Variants in TMED10 observed in about 807,000 individuals in gnomAD.
TMED10 encodes the protein transmembrane p24 trafficking protein 10.
Under a neutral mutation model 23.1 loss-of-function variants are expected in TMED10, and 7 were observed. The ratio of observed to expected loss-of-function variants is 0.30; its 90% confidence interval spans 0.17 to 0.57. The LOEUF (loss-of-function observed/expected upper bound fraction) is 0.57. Among genes scored for constraint, TMED10 ranks in the 20% least tolerant of loss-of-function variants. TMED10 has a pLI of 0.91. For missense variants in TMED10, 162 were observed against 274.8 expected (o/e 0.59, Z 2.90); for synonymous variants, 113 against 106.9 (o/e 1.06, Z -0.35).
At chr14:75,172,954 G>A (rs927229507) in intron 1 of TMED10, among the ~76,000 whole-genome samples, 8 of 152,178 alleles carry the variant, frequency 5.3e-5, no homozygotes, top group African/African-American at 1.7e-4. Flanking sequence ...GAGTGGCAAA[G>A]CAGTGGTGAG....
rs779428618 is a variant in TMED10 at position 75,135,726 on chromosome 14, T to C, written c.538+34A>G. 6.2e-6 allele frequency: 10 copies of C among 1,605,054 alleles called. No homozygotes were observed. The East Asian group carries it at 1.8e-4, about 29-fold the overall frequency. On this transcript the variant is annotated intron_variant, in intron 4 of 4. Transcript: ENST00000303575. ...GTTTGGAGACTGTCTCATTTATGGG[T>C]CACTTAAGAAGTAAGAGTCGCCTTC...
intron 3 of TMED10, among the ~76,000 whole-genome samples, chr14:75,139,994 G>A (rs1053045693): frequency 2.6e-5 from 4 of 151,978 alleles, no homozygotes; most frequent in Non-Finnish European, 5.9e-5. Flanking sequence ...AAAATCTGAC[G>A]GACTTAACAA....
intron 1 of TMED10, among the ~76,000 whole-genome samples, chr14:75,155,997 C>T (rs1896015485): frequency 6.6e-6 from 1 of 152,152 alleles, no homozygotes; most frequent in Non-Finnish European, 1.5e-5. Flanking sequence ...AGGTTAAGTG[C>T]CTGGAGAGGT....
chr14:75,164,569 ATATATATATT>A (rs1281061770), intron 1 of TMED10, among the ~76,000 whole-genome samples: 25 of 1,976 alleles, frequency 0.013, no homozygotes, highest in African/African-American at 0.025. Flanking sequence ...ATATATATAT[ATATATATATT>A]TTTTTTTTTT....
In TMED10 at chr14:75,147,461, T is replaced by C. The variant is rs917638723; in HGVS notation, c.411+203A>G. ...CACCCGCCTTGGCCTCCCAAAGTGCTGGGATTACAGGAGTGAGCCACCGCG... is the reference window on the plus strand; with the variant it reads ...CACCCGCCTTGGCCTCCCAAAGTGCCGGGATTACAGGAGTGAGCCACCGCG... On this transcript the variant is annotated intron_variant, in intron 3 of 4. Coordinates refer to ENST00000303575, the MANE Select transcript of TMED10 (RefSeq NM_006827.6). 2.6e-5 allele frequency: 16 copies of C among 613,280 alleles called. No individual in the cohort carries two copies. In the East Asian group the frequency reaches 4.4e-4, roughly 17 times the overall value. The allele number at this position is 613,280 out of a possible 1,614,324, so 38.0% of individuals were successfully genotyped here.
intron 1 of TMED10, among the ~76,000 whole-genome samples, chr14:75,172,136 C>T (rs1896241588): frequency 6.6e-6 from 1 of 152,090 alleles, no homozygotes; most frequent in Non-Finnish European, 1.5e-5. Context: ...GCTGTACATT[C>T]TTTTAAGAGC....
At position 75,137,704 on chromosome 14, in the gene TMED10, CTTTCT is replaced by C. The variant is rs1416752476; in HGVS notation, c.412-1823_412-1819del. On this transcript the variant is annotated intron_variant, in intron 3 of 4. Coordinates refer to ENST00000303575, the MANE Select transcript of TMED10 (RefSeq NM_006827.6). ...AAAAAAAAAAAAATTCTGTTTCTTTCTTTCTTTTTTTTTTTTTTTTAAGGATGGAG... is the reference window on the plus strand; with the variant it reads ...AAAAAAAAAAAAATTCTGTTTCTTTCTTTTTTTTTTTTTTTAAGGATGGAG... Among the ~76,000 whole-genome samples the C allele has an allele frequency of 3.4e-3, 423 of 125,500 alleles. 2 individuals carry two copies. The highest frequency in any genetic ancestry group is 0.01 in the African/African-American group (383 of 36,542). 82.3% of individuals were successfully genotyped at this position (125,500 alleles called of 152,430 possible).
At chr14:75,155,713 A>C (rs1896013015) in intron 1 of TMED10, among the ~76,000 whole-genome samples, 1 of 152,166 alleles carries the variant, frequency 6.6e-6, no homozygotes, top group Non-Finnish European at 1.5e-5. Flanking sequence ...GTAGCACATG[A>C]GCTGAGTCCT....
intron 1 of TMED10, among the ~76,000 whole-genome samples, chr14:75,166,964 C>T (rs1229193435): frequency 3.1e-5 from 4 of 130,154 alleles, no homozygotes; most frequent in South Asian, 4.9e-4. Flanking sequence ...TTTTTTGAGA[C>T]GGAGTCTCAC....
chr14:75,162,485 T>C (rs182181557), intron 1 of TMED10, among the ~76,000 whole-genome samples: 16 of 152,202 alleles, frequency 1.1e-4, no homozygotes, highest in Admixed American at 6.5e-4. Context: ...GAGAGACAAA[T>C]CTTCCGTGAA....
At position 75,147,668 on chromosome 14, in the gene TMED10, T is replaced by C. The variant is rs1895903812; in HGVS notation, c.407A>G (p.Glu136Gly). 6.2e-7 allele frequency: 1 copy of C among 1,614,106 alleles called. No individual in the cohort carries two copies. ...MKHGVEAKNY[E>G]EIAKVEKLKP... Reference sequence around the variant, plus strand: ...GGCTGTTAGAGCAGGACATACCTCTTCGTAATTTTTCGCCTCCACTCCATG... The same window carrying C: ...GGCTGTTAGAGCAGGACATACCTCTCCGTAATTTTTCGCCTCCACTCCATG... Residue 136 changes from glutamate (E) to glycine (G), a missense_variant, in exon 3 of 5, where the codon GAA (glutamate) becomes GGA (glycine). Glu to Gly is a moderately conservative substitution (Grantham distance 98). Transcript: ENST00000303575.
intron 3 of TMED10, among the ~76,000 whole-genome samples, chr14:75,147,183 C>CTTTTTTTTTTTTTT (rs1895894334): frequency 5.1e-5 from 4 of 77,814 alleles, no homozygotes; most frequent in African/African-American, 2.3e-4. Context: ...TTCTTCAAGG[C>CTTTTTTTTTTTTTT]TGTTTTTTTT....
At chr14:75,154,631 C>G (rs1895999952) in intron 1 of TMED10, among the ~76,000 whole-genome samples, 1 of 151,796 alleles carries the variant, frequency 6.6e-6, no homozygotes, top group Non-Finnish European at 1.5e-5. Context: ...CCATCCAGCA[C>G]CATTTGCTAA....
At chr14:75,138,812 C>T (rs74965562) in intron 3 of TMED10, among the ~76,000 whole-genome samples, 40 of 95,010 alleles carry the variant, frequency 4.2e-4, no homozygotes, top group South Asian at 7.0e-4. Context: ...GCCTTTGCTT[C>T]TTTTTTTTTT....
chr14:75,138,667 T>C (rs181104078), intron 3 of TMED10, among the ~76,000 whole-genome samples: 2 of 152,264 alleles, frequency 1.3e-5, no homozygotes, highest in East Asian at 3.9e-4. Flanking sequence ...GCATGATACT[T>C]CTTAGAGATA....
In TMED10 at chr14:75,150,904, T is replaced by A. The variant is rs1895947933; in HGVS notation, c.337+1128A>T. Among the ~76,000 whole-genome samples the A allele has an allele frequency of 3.3e-5, 5 of 152,144 alleles. No homozygotes were observed. In the South Asian group the frequency reaches 1.0e-3, roughly 31 times the overall value. On this transcript the variant is annotated intron_variant, in intron 2 of 4. Transcript: ENST00000303575. ...CTGCATTTGCCTGGCAAACAGACAA[T>A]CCTTTTTGTTTGTTTTGAGACAGAG...
At chr14:75,141,013 C>T (rs536163853) in intron 3 of TMED10, among the ~76,000 whole-genome samples, 39 of 151,968 alleles carry the variant, frequency 2.6e-4, no homozygotes, top group African/African-American at 9.2e-4. Flanking sequence ...AAGGCCTTAA[C>T]GTTTTTTTCT....
chr14:75,136,947 T>G (rs916090491), intron 3 of TMED10: 1 of 152,128 alleles, frequency 6.6e-6, no homozygotes, highest in Admixed American at 6.6e-5. Context: ...GTCATTATTG[T>G]TTTTTTCTTA....
At chr14:75,142,152 GT>G (rs1469052271) in intron 3 of TMED10, among the ~76,000 whole-genome samples, 2 of 152,202 alleles carry the variant, frequency 1.3e-5, no homozygotes, top group African/African-American at 4.8e-5. Context: ...CATGAGGTAT[GT>G]TTTGCCAAGT....
Sources: gnomAD v4.1 joint callset for allele counts (sites outside exome capture counted in the v4.1 genomes callset) on GRCh38, gnomAD v4.1.1 for gene constraint, MANE v1.5 for transcripts, NCBI Gene and HGNC (gene_info 2026-07-23, HGNC 2026-07-21) for gene names.